PANK1: variants seen among roughly 807,000 people sequenced by gnomAD.
The protein encoded by PANK1 is pantothenate kinase 1, also known as pantothenic acid kinase 1.
PANK1 carries 18 observed loss-of-function variants against 40.1 expected under a neutral mutation model. The observed-to-expected ratio is 0.45, with a 90% CI of 0.31 to 0.67. The LOEUF is 0.67. Ranked by LOEUF, PANK1 falls within the 30% of genes least tolerant of loss-of-function variation. The pLI is 0.06. For missense variants in PANK1, 457 were observed against 599.6 expected, an observed-to-expected ratio of 0.76 and a Z score of 2.48; for synonymous variants, 242 against 237.7, an observed-to-expected ratio of 1.02 and a Z score of -0.17.
At chr10:89,585,862 G>A (rs568141860) in intron 6 of PANK1, among the ~76,000 whole-genome samples, 2 of 152,270 alleles carry the variant, frequency 1.3e-5, no homozygotes, top group East Asian at 1.9e-4. Context: ...CTCTAGTAAG[G>A]CCCGCGTAAG....
chr10:89,625,103 T>A (rs956868650), intron 1 of PANK1, among the ~76,000 whole-genome samples: 4 of 152,214 alleles, frequency 2.6e-5, no homozygotes, highest in Non-Finnish European at 5.9e-5. Flanking sequence ...GGTTTAGCCA[T>A]GTTGCCCAGG....
chr10:89,588,712 C>T lies in PANK1; in HGVS notation c.1266G>A (p.Leu422=). The T allele has an allele frequency of 3.7e-6, 6 of 1,607,250 alleles. No individual in the cohort carries two copies. Among genetic ancestry groups the T allele is most frequent in the Non-Finnish European group, 5.1e-6 (6 of 1,176,436 alleles). The change falls in exon 6 of 7, where the codon CTG becomes CTA. Residue 422 remains leucine, a synonymous_variant. Coordinates refer to ENST00000307534, the MANE Select transcript of PANK1 (RefSeq NM_148977.3). ...LRINMVSMKL[L]AYAMDFWSKG... The stretch of plus-strand genomic sequence containing the variant: ...TGGACCAAAAATCCATGGCATATGC[C>T]AGCAGCTTCATGGAGACCATATTGA...
chr10:89,629,957 AAAC>A (rs1841585488), intron 1 of PANK1, among the ~76,000 whole-genome samples: 1 of 152,216 alleles, frequency 6.6e-6, no homozygotes, highest in African/African-American at 2.4e-5. Context: ...TATAAAAATC[AAAC>A]AAAAAACATC....
chr10:89,589,526 ATGCAGAGAC>A (rs1844307807), intron 5 of PANK1, among the ~76,000 whole-genome samples: 1 of 152,130 alleles, frequency 6.6e-6, no homozygotes, highest in Non-Finnish European at 1.5e-5. Flanking sequence ...CCTGTCTACC[ATGCAGAGAC>A]TGCTCACCAC....
At chr10:89,596,427 TG>T (rs1335753549) in intron 3 of PANK1, among the ~76,000 whole-genome samples, 10 of 152,158 alleles carry the variant, frequency 6.6e-5, no homozygotes, top group Non-Finnish European at 1.3e-4. Flanking sequence ...CTTGTATGAC[TG>T]GAAAATGACA....
At chr10:89,620,412 T>C (rs1000981633) in intron 1 of PANK1, among the ~76,000 whole-genome samples, 3 of 152,232 alleles carry the variant, frequency 2.0e-5, no homozygotes, top group Admixed American at 6.5e-5. Context: ...ATGGCCGCTC[T>C]GGGAGTGTCT....
In PANK1 at chr10:89,611,885, T is replaced by C. The variant is rs779255990; in HGVS notation, c.456A>G (p.Arg152=). 2 of 1,614,198 alleles carry C rather than the reference T, an allele frequency of 1.2e-6. No individual in the cohort carries two copies. Among genetic ancestry groups the C allele is most frequent in the East Asian group, 2.2e-5 (1 of 44,886 alleles). The change falls in exon 2 of 7, where the codon CGA becomes CGG. Residue 152 remains arginine, a synonymous_variant. Coordinates refer to ENST00000307534, the MANE Select transcript of PANK1 (RefSeq NM_148977.3). The part of the protein sequence containing the change: ...SNTAYGKTGI[R]DVHLELKNLT... ...GGTTTTTCAGTTCCAGGTGGACGTC[T>C]CGGATCCCAGTTTTCCCATAAGCAG...
At chr10:89,589,298 C>A (rs192347558) in intron 5 of PANK1, among the ~76,000 whole-genome samples, 1 of 152,232 alleles carries the variant, frequency 6.6e-6, no homozygotes, top group East Asian at 1.9e-4. Context: ...GGTGGAATAT[C>A]CTGTTTGGCC....
In PANK1 at chr10:89,584,148, G is replaced by A. The variant is rs186248891; in HGVS notation, c.*258C>T. ...TCAAAGTTAATGCATACAATTGGTA[G>A]GTTTGGCCACGCTGCACCATTTTTT... is the stretch of plus-strand genomic sequence containing the variant. On this transcript the variant is annotated 3_prime_UTR_variant, in exon 7 of 7. Coordinates refer to ENST00000307534, the MANE Select transcript of PANK1 (RefSeq NM_148977.3). 610 of 398,834 alleles carry A rather than the reference G, an allele frequency of 1.5e-3. 5 individuals are homozygous for A. The highest frequency in any genetic ancestry group is 4.0e-3 in the Middle Eastern group (6 of 1,496). The allele number at this position is 398,834 out of a possible 1,614,324, so 24.7% of individuals were successfully genotyped here. A position where few individuals can be genotyped will look rare whatever the true frequency, so the allele number is the denominator to read the frequency against.
At chr10:89,637,482 G>C (rs1841855978) in intron 1 of PANK1, among the ~76,000 whole-genome samples, 1 of 152,174 alleles carries the variant, frequency 6.6e-6, no homozygotes, top group Non-Finnish European at 1.5e-5. Context: ...ACTGTGCTTA[G>C]TACTATAGGC....
chr10:89,615,718 T>C (rs983409939), intron 1 of PANK1, among the ~76,000 whole-genome samples: 1 of 152,238 alleles, frequency 6.6e-6, no homozygotes. Flanking sequence ...TCTTTACCTA[T>C]GTTTATATCT....
chr10:89,590,214 G>A (rs893754164), intron 5 of PANK1, among the ~76,000 whole-genome samples: 3 of 151,780 alleles, frequency 2.0e-5, no homozygotes, highest in Admixed American at 6.6e-5. Context: ...AAATCCAAAC[G>A]GGAAGCAATA....
At chr10:89,633,740 G>T (rs1379204186) in intron 1 of PANK1, among the ~76,000 whole-genome samples, 1 of 152,152 alleles carries the variant, frequency 6.6e-6, no homozygotes, top group African/African-American at 2.4e-5. Context: ...GCAGAGTCTA[G>T]CACAGTGCCT....
At chr10:89,616,661 G>A (rs748814774) in intron 1 of PANK1, among the ~76,000 whole-genome samples, 2 of 152,016 alleles carry the variant, frequency 1.3e-5, no homozygotes, top group South Asian at 2.1e-4. Context: ...GGTGGTTCAC[G>A]CCTGTAATCC....
chr10:89,608,482 T>C (rs1845047970), intron 2 of PANK1, among the ~76,000 whole-genome samples: 1 of 152,230 alleles, frequency 6.6e-6, no homozygotes, highest in African/African-American at 2.4e-5. Flanking sequence ...GATTGTGTCA[T>C]GGTTTATAGT....
At chr10:89,627,624 A>G (rs181589355) in intron 1 of PANK1, among the ~76,000 whole-genome samples, 1 of 152,338 alleles carries the variant, frequency 6.6e-6, no homozygotes, top group Admixed American at 6.5e-5. Context: ...CTAGTACACA[A>G]AAACTGGTCA....
chr10:89,603,998 C>T (rs117697988), intron 2 of PANK1, among the ~76,000 whole-genome samples: 11 of 152,150 alleles, frequency 7.2e-5, no homozygotes, highest in African/African-American at 2.4e-4. Context: ...CATAGGTGTC[C>T]TACCCGCTCC....
rs758404747 is a variant in PANK1 at position 89,588,651 on chromosome 10, C to A, written c.1326+1G>T. The A allele has an allele frequency of 1.3e-6, 2 of 1,598,844 alleles. No homozygotes were observed. The highest frequency in any genetic ancestry group is 1.7e-6 in the Non-Finnish European group (2 of 1,174,428). The stretch of plus-strand genomic sequence containing the variant: ...AGTAAGTCTATGCAAGCTCAACCTA[C>A]CTCATGTTCCAAAAACAGAGCTTTC... On this transcript the variant is annotated splice_donor_variant, in intron 6 of 6. Transcript: ENST00000307534. LOFTEE classifies it high-confidence loss of function.
chr10:89,588,889 G>T (rs894203059), intron 5 of PANK1, 112 bp from the exon 6 acceptor site: 10 of 645,446 alleles, frequency 1.5e-5, no homozygotes, highest in Non-Finnish European at 2.1e-5. Flanking sequence ...AATATTCCTT[G>T]TTTTTTTGGT....
Sources: allele counts gnomAD v4.1 joint callset (sites outside exome capture counted in the v4.1 genomes callset), GRCh38; gene constraint gnomAD v4.1.1; transcripts MANE v1.5; gene names NCBI Gene and HGNC (gene_info 2026-07-23, HGNC 2026-07-21).